FAM163A: variants seen among roughly 807,000 people sequenced by gnomAD.
FAM163A encodes the protein family with sequence similarity 163 member A.
In FAM163A, 7 loss-of-function variants were observed where a neutral mutation model predicts 12.0. The observed-to-expected ratio is 0.58, with a 90% CI of 0.33 to 1.10. The LOEUF (loss-of-function observed/expected upper bound fraction) is 1.10, where lower values mean the gene tolerates loss of function less well. Among genes scored for constraint, FAM163A ranks in the 50% least tolerant of loss-of-function variants. FAM163A has a pLI of 0.03. For synonymous variants in FAM163A, 101 were observed against 91.0 expected, an observed-to-expected ratio of 1.11 and a Z score of -0.62; for missense variants, 202 against 218.6, an observed-to-expected ratio of 0.92 and a Z score of 0.48.
intron 1 of FAM163A, among the ~76,000 whole-genome samples, chr1:179,789,750 A>G (rs1395235865): frequency 2.6e-5 from 4 of 152,194 alleles, no homozygotes; most frequent in Non-Finnish European, 5.9e-5. Flanking sequence ...CCAGGATGAG[A>G]ACACAGGCAC....
At chr1:179,745,091 T>G (rs928747261) in intron 1 of FAM163A, among the ~76,000 whole-genome samples, 3 of 152,060 alleles carry the variant, frequency 2.0e-5, no homozygotes, top group African/African-American at 7.2e-5. Context: ...CTAGGGAGGT[T>G]TCAGTTCCCA....
At chr1:179,785,166 C>G (rs1351107554) in intron 1 of FAM163A, among the ~76,000 whole-genome samples, 1 of 152,176 alleles carries the variant, frequency 6.6e-6, no homozygotes, top group African/African-American at 2.4e-5. Flanking sequence ...TCCACAACTC[C>G]CACCCCCCAT....
At chr1:179,739,377 G>A (rs1285309225), upstream of FAM163A, among the ~76,000 whole-genome samples, 1 of 152,090 alleles carries the variant, frequency 6.6e-6, no homozygotes, top group African/African-American at 2.4e-5. Context: ...AAAGACTGGG[G>A]GAAAATACTT....
chr1:179,753,871 C>G (rs1302329297), intron 1 of FAM163A, among the ~76,000 whole-genome samples: 2 of 152,128 alleles, frequency 1.3e-5, no homozygotes, highest in Non-Finnish European at 2.9e-5. Context: ...ATATTGAGCC[C>G]ATTTTCTTAC....
chr1:179,751,974 C>T (rs1388758716), intron 1 of FAM163A, among the ~76,000 whole-genome samples: 1 of 152,070 alleles, frequency 6.6e-6, no homozygotes, highest in East Asian at 1.9e-4. Context: ...CATATGGAAC[C>T]ACAAAAGACC....
At chr1:179,799,049 G>T (rs73039698) in intron 1 of FAM163A, among the ~76,000 whole-genome samples, 4,416 of 152,006 alleles carry the variant, frequency 0.029, 218 homozygotes, top group African/African-American at 0.1. Context: ...CAGAAATCAA[G>T]CTCTCTGTCC....
At chr1:179,803,716 G>A (rs1038809034) in intron 1 of FAM163A, among the ~76,000 whole-genome samples, 46 of 151,914 alleles carry the variant, frequency 3.0e-4, no homozygotes, top group Admixed American at 2.1e-3. Flanking sequence ...TTACAGGCAC[G>A]TGCTACCACG....
chr1:179,736,592 G>A, the FAM163A span, among the ~76,000 whole-genome samples: 6 of 152,068 alleles, frequency 3.9e-5, no homozygotes, highest in South Asian at 2.1e-4. Flanking sequence ...GGTGGATCAC[G>A]AAGTCAGGAG....
Position 179,814,123 on chromosome 1 carries a change from G to A in FAM163A, c.438G>A (p.Pro146=), listed in dbSNP as rs780621064. The A allele has an allele frequency of 1.1e-5, 18 of 1,614,058 alleles. No homozygotes were observed. Among genetic ancestry groups the A allele is most frequent in the Non-Finnish European group, 1.3e-5 (15 of 1,180,028 alleles). ...AATTGGCAGCACCCCAGAGTTACCCGGTGACCTGGCCAGGCTCTGGGCGTG... is the reference window on the plus strand; with the variant it reads ...AATTGGCAGCACCCCAGAGTTACCCAGTGACCTGGCCAGGCTCTGGGCGTG... ...SLKLAAPQSY[P]VTWPGSGREA... The change falls in exon 5 of 5, where the codon CCG becomes CCA. Residue 146 remains proline (P), a synonymous_variant. Coordinates refer to ENST00000341785, the MANE Select transcript of FAM163A (RefSeq NM_173509.3).
intron 1 of FAM163A, among the ~76,000 whole-genome samples, chr1:179,764,780 A>T (rs1038236014): frequency 1.3e-5 from 2 of 152,140 alleles, no homozygotes; most frequent in Admixed American, 1.3e-4. Context: ...TCTGCAACAC[A>T]TCCCTGTCAC....
intron 1 of FAM163A, among the ~76,000 whole-genome samples, chr1:179,806,274 G>A (rs368704945): frequency 2.8e-4 from 42 of 152,278 alleles, no homozygotes; most frequent in African/African-American, 7.2e-4. Context: ...GTCAGAACTC[G>A]TGCAGCAAGA....
chr1:179,814,214 A>G lies in FAM163A; in HGVS notation c.*25A>G. On this transcript the variant is annotated 3_prime_UTR_variant, in exon 5 of 5. Coordinates refer to ENST00000341785, the MANE Select transcript of FAM163A (RefSeq NM_173509.3). Reference sequence around the variant, plus strand: ...AATCCTTCCACCCCGACCCGCACACACACCCACACTGCTGCCCTGGCGGGG... The same window carrying G: ...AATCCTTCCACCCCGACCCGCACACGCACCCACACTGCTGCCCTGGCGGGG... 6.4e-7 allele frequency: 1 copy of G among 1,573,506 alleles called. No individual in the cohort carries two copies. The highest frequency in any genetic ancestry group is 8.6e-7 in the Non-Finnish European group (1 of 1,156,532).
Position 179,787,396 on chromosome 1 carries a change from A to G in FAM163A, c.-135-20402A>G, listed in dbSNP as rs566853827. ...TTATAGAGATCCTACCATGTGCTCC[A>G]GGGATACAGAAATGAACAAGGCATA... On this transcript the variant is annotated intron_variant, in intron 1 of 4. Coordinates refer to ENST00000341785, the MANE Select transcript of FAM163A (RefSeq NM_173509.3). 3.9e-5 allele frequency among the ~76,000 whole-genome samples: 6 copies of G among 152,324 alleles called. No homozygotes were observed. In the East Asian group the frequency reaches 9.7e-4, roughly 25 times the overall value.
the FAM163A span, among the ~76,000 whole-genome samples, chr1:179,738,237 A>G: frequency 3.3e-5 from 5 of 152,194 alleles, no homozygotes; most frequent in African/African-American, 9.7e-5. Flanking sequence ...TAGCTAGAAG[A>G]GTGGATTTTG....
the FAM163A span, among the ~76,000 whole-genome samples, chr1:179,736,441 A>G: frequency 1.3e-5 from 2 of 152,226 alleles, no homozygotes; most frequent in African/African-American, 4.8e-5. Context: ...CAACACACTA[A>G]TCATGGGAGA....
At chr1:179,785,554 G>A (rs1349087007) in intron 1 of FAM163A, among the ~76,000 whole-genome samples, 1 of 152,094 alleles carries the variant, frequency 6.6e-6, no homozygotes, top group Non-Finnish European at 1.5e-5. Context: ...TTGGGGGAGT[G>A]GGGAGGGGGT....
intron 1 of FAM163A, among the ~76,000 whole-genome samples, chr1:179,793,607 AG>A (rs1452191301): frequency 2.6e-5 from 4 of 152,354 alleles, no homozygotes; most frequent in African/African-American, 9.6e-5. Flanking sequence ...CTGGTGAGAT[AG>A]GTCTGGAACT....
chr1:179,742,988 C>T (rs1265432810), upstream of FAM163A, among the ~76,000 whole-genome samples: 3 of 152,262 alleles, frequency 2.0e-5, no homozygotes, highest in African/African-American at 7.2e-5. Context: ...TTCTCATGCT[C>T]TCCGAATTTT....
At chr1:179,735,792 C>T in the FAM163A span, among the ~76,000 whole-genome samples, 1 of 152,090 alleles carries the variant, frequency 6.6e-6, no homozygotes, top group Non-Finnish European at 1.5e-5. Context: ...CGTGAGCCAC[C>T]GCCCCCAGCC....
Sources: gnomAD v4.1 joint callset for allele counts (sites outside exome capture counted in the v4.1 genomes callset) on GRCh38, gnomAD v4.1.1 for gene constraint, MANE v1.5 for transcripts, NCBI Gene and HGNC (gene_info 2026-07-23, HGNC 2026-07-21) for gene names.